Variants in MAP2K6 observed in about 807,000 individuals in gnomAD.
The protein encoded by MAP2K6 is mitogen-activated protein kinase kinase 6.
MAP2K6 carries 16 observed loss-of-function variants against 53.7 expected under a neutral mutation model. That is an observed-to-expected ratio of 0.30 (90% CI 0.20 to 0.45). The LOEUF (loss-of-function observed/expected upper bound fraction) is 0.45. MAP2K6 is among the 20% of genes least tolerant of loss of function. The pLI is 1.00. For missense variants in MAP2K6, 204 were observed against 411.9 expected (o/e 0.50, Z 4.37); for synonymous variants, 132 against 143.1 (o/e 0.92, Z 0.55).
chr17:69,534,968 CT>C (rs1196765261), intron 10 of MAP2K6, among the ~76,000 whole-genome samples: 1 of 150,496 alleles, frequency 6.6e-6, no homozygotes, highest in Non-Finnish European at 1.5e-5. Context: ...TCTTTTCTTT[CT>C]TTCTTTTTCT....
In MAP2K6 at chr17:69,550,895, C is replaced by T. The variant is rs2716220; in HGVS notation, c.*9142C>T. On this transcript the variant is annotated 3_prime_UTR_variant, in exon 12 of 12. Transcript: ENST00000590474. ...ATATGGGAAATTTTATAGCCAACCACGGCTGTGAGTCCCTGGCTTTTGCCG... is the reference window on the plus strand; with the variant it reads ...ATATGGGAAATTTTATAGCCAACCATGGCTGTGAGTCCCTGGCTTTTGCCG... 79,785 of 152,042 alleles carry T rather than the reference C, an allele frequency of 0.52. 21,672 individuals carry two copies. Among genetic ancestry groups the T allele is most frequent in the East Asian group, 0.86 (4,474 of 5,184 alleles). 9.4% of individuals were successfully genotyped at this position (152,042 alleles called of 1,614,324 possible).
At chr17:69,495,304 C>T (rs1367401393) in intron 1 of MAP2K6, among the ~76,000 whole-genome samples, 2 of 151,646 alleles carry the variant, frequency 1.3e-5, no homozygotes, top group African/African-American at 4.8e-5. Context: ...AGTGGCGAGA[C>T]TTCGGCTCAC....
At chr17:69,429,622 TTTTC>T (rs1437159983) in intron 1 of MAP2K6, among the ~76,000 whole-genome samples, 23 of 152,384 alleles carry the variant, frequency 1.5e-4, no homozygotes, top group Admixed American at 6.5e-5. Flanking sequence ...TGCAGCTTTA[TTTTC>T]TTTATGTGAT....
chr17:69,468,309 A>T (rs1236270114), intron 1 of MAP2K6, among the ~76,000 whole-genome samples: 1 of 151,962 alleles, frequency 6.6e-6, no homozygotes, highest in Non-Finnish European at 1.5e-5. Context: ...AGTTTTCCTG[A>T]CTCCAGTTTC....
intron 9 of MAP2K6, among the ~76,000 whole-genome samples, chr17:69,525,976 C>T (rs2144835064): frequency 6.6e-6 from 1 of 152,220 alleles, no homozygotes; most frequent in Middle Eastern, 3.4e-3. Flanking sequence ...AGTGGATCAC[C>T]AAGGTCTGGA....
chr17:69,466,684 A>T (rs543852710), intron 1 of MAP2K6, among the ~76,000 whole-genome samples: 31 of 152,368 alleles, frequency 2.0e-4, no homozygotes, highest in Non-Finnish European at 4.4e-5. Context: ...GAAACAGGTT[A>T]TACTGGGTGG....
At chr17:69,449,652 G>A (rs1349331690) in intron 1 of MAP2K6, among the ~76,000 whole-genome samples, 1 of 108,694 alleles carries the variant, frequency 9.2e-6, no homozygotes, top group Non-Finnish European at 1.7e-5. Flanking sequence ...TCTCGCTGTC[G>A]CCCAGGCTAG....
rs1215814242 is a variant in MAP2K6, at chr17:69,549,810, T to C, written c.*8057T>C. 1 of 152,162 alleles carries C rather than the reference T, an allele frequency of 6.6e-6. No homozygotes were observed. The highest frequency in any genetic ancestry group is 1.5e-5 in the Non-Finnish European group (1 of 68,024). 9.4% of individuals were successfully genotyped at this position (152,162 alleles called of 1,614,324 possible). ...ATTTGTGTTGGAGTCTGCAAGATAT[T>C]TCAACAAAGTAAGCCAAACCACTAT... On this transcript the variant is annotated 3_prime_UTR_variant, in exon 12 of 12. Transcript: ENST00000590474.
intron 1 of MAP2K6, among the ~76,000 whole-genome samples, chr17:69,490,081 G>A (rs1269269399): frequency 6.6e-6 from 1 of 152,140 alleles, no homozygotes; most frequent in African/African-American, 2.4e-5. Flanking sequence ...TTTTGGCCGC[G>A]GTTTCTTTAC....
At position 69,415,009 on chromosome 17, in the gene MAP2K6, C is replaced by A; in HGVS notation, c.16+9C>A. 1 of 1,548,584 alleles carries A rather than the reference C, an allele frequency of 6.5e-7. No individual in the cohort carries two copies. Among genetic ancestry groups the A allele is most frequent in the Non-Finnish European group, 8.9e-7 (1 of 1,120,544 alleles). ...AATGTCTCAGTCGAAAGGTAAGAGG[C>A]TGTTTGCATTAGTTGCAAAAATGCA... On this transcript the variant is annotated intron_variant, in intron 1 of 11. Coordinates refer to ENST00000590474, the MANE Select transcript of MAP2K6 (RefSeq NM_002758.4).
chr17:69,416,586 A>G (rs1410454150), intron 1 of MAP2K6, among the ~76,000 whole-genome samples: 1 of 152,162 alleles, frequency 6.6e-6, no homozygotes, highest in Non-Finnish European at 1.5e-5. Flanking sequence ...ATACATATGT[A>G]TGTGTGTATA....
At position 69,544,996 on chromosome 17, in the gene MAP2K6, T is replaced by G. The variant is rs2144882961; in HGVS notation, c.*3243T>G. Reference sequence around the variant, plus strand: ...CTTAGCAGATGTTTCCCTCTTTGATTTACCTGCCTTGTTTATCAGATTTTG... The same window carrying G: ...CTTAGCAGATGTTTCCCTCTTTGATGTACCTGCCTTGTTTATCAGATTTTG... On this transcript the variant is annotated 3_prime_UTR_variant, in exon 12 of 12. Transcript: ENST00000590474. 1 of 152,352 alleles carries G rather than the reference T, an allele frequency of 6.6e-6. No individual in the cohort carries two copies. Among genetic ancestry groups the G allele is most frequent in the South Asian group, 2.1e-4 (1 of 4,828 alleles). The allele number at this position is 152,352 out of a possible 1,614,324, so 9.4% of individuals were successfully genotyped here.
rs1163580569 is a variant in MAP2K6, at chr17:69,494,236, G to A, written c.17-11544G>A. ...AGGGAGGTCAGGTGCAGTGGCTCAC[G>A]CCTGTAATCCCAGCATGTTGGGAGG... On this transcript the variant is annotated intron_variant, in intron 1 of 11. Transcript: ENST00000590474. This position sits in a 1 kb window ranked among gnomAD's most constrained non-coding sequence, Gnocchi z 4.2. Among the ~76,000 whole-genome samples, 1 of 152,204 alleles carries A rather than the reference G, an allele frequency of 6.6e-6. No homozygotes were observed. Among genetic ancestry groups the A allele is most frequent in the East Asian group, 1.9e-4 (1 of 5,192 alleles).
chr17:69,536,941 G>T (rs1028259380), intron 11 of MAP2K6, among the ~76,000 whole-genome samples: 4 of 152,046 alleles, frequency 2.6e-5, no homozygotes, highest in African/African-American at 9.7e-5. Flanking sequence ...AATTAGCCGG[G>T]CATGGTGGCA....
At chr17:69,442,342 G>C (rs1906847456) in intron 1 of MAP2K6, among the ~76,000 whole-genome samples, 1 of 151,990 alleles carries the variant, frequency 6.6e-6, no homozygotes, top group Admixed American at 6.6e-5. Context: ...GCAACTTCCA[G>C]ATCTTGCTCC....
intron 1 of MAP2K6, among the ~76,000 whole-genome samples, chr17:69,449,490 C>CTTTCTTTA (rs1907096099): frequency 2.4e-5 from 1 of 41,468 alleles, no homozygotes; most frequent in Non-Finnish European, 5.4e-5. Context: ...GTTGGTTGTC[C>CTTTCTTTA]TTTCTTTCTT....
intron 10 of MAP2K6, among the ~76,000 whole-genome samples, chr17:69,531,377 C>G (rs1911077933): frequency 6.6e-6 from 1 of 152,156 alleles, no homozygotes; most frequent in East Asian, 1.9e-4. Context: ...GGTATCATAC[C>G]CGTGCCAAGG....
rs185972012 is a variant in MAP2K6, at chr17:69,502,142, G to T, written c.17-3638G>T. The T allele has an allele frequency of 6.1e-4, 603 of 984,716 alleles. 4 individuals are homozygous for T. In the African/African-American group the frequency reaches 9.8e-3, roughly 16 times the overall value. 61.0% of individuals were successfully genotyped at this position (984,716 alleles called of 1,614,324 possible). Reference sequence around the variant, plus strand: ...AAGTCTGGTTAATGATTAATGTCACGCCTGGGTGTCCACATAGACCCACTT... The same window carrying T: ...AAGTCTGGTTAATGATTAATGTCACTCCTGGGTGTCCACATAGACCCACTT... On this transcript the variant is annotated intron_variant, in intron 1 of 11. Coordinates refer to ENST00000590474, the MANE Select transcript of MAP2K6 (RefSeq NM_002758.4).
At chr17:69,446,976 C>CTTTTTTTT (rs71357721) in intron 1 of MAP2K6, among the ~76,000 whole-genome samples, 2 of 129,522 alleles carry the variant, frequency 1.5e-5, no homozygotes, top group South Asian at 2.4e-4. Flanking sequence ...ACCTCTGTTT[C>CTTTTTTTT]TTTTTTTTTT....
Sources: allele counts gnomAD v4.1 joint callset (sites outside exome capture counted in the v4.1 genomes callset), GRCh38; gene constraint gnomAD v4.1.1; non-coding constraint Gnocchi (gnomAD v3.1); transcripts MANE v1.5; gene names NCBI Gene and HGNC (gene_info 2026-07-23, HGNC 2026-07-21).